The following PTPRM variants were observed in gnomAD, a reference collection of about 807,000 sequenced individuals.
PTPRM encodes the protein receptor-type tyrosine-protein phosphatase mu.
Under a neutral mutation model 186.7 loss-of-function variants are expected in PTPRM, and 47 were observed. The ratio of observed to expected loss-of-function variants is 0.25; its 90% confidence interval spans 0.20 to 0.32. The LOEUF (loss-of-function observed/expected upper bound fraction) is 0.32. PTPRM is among the 10% of genes least tolerant of loss of function. The probability of loss-of-function intolerance (pLI) is 1.00; values close to 1 mark genes in which losing one functional copy is unlikely to be tolerated. For synonymous variants in PTPRM, 668 were observed against 674.9 expected, an observed-to-expected ratio of 0.99 and a Z score of 0.16; for missense variants, 1,494 against 1,865.0, an observed-to-expected ratio of 0.80 and a Z score of 3.66.
chr18:8,405,011 T>C (rs2095895642), intron 32 of PTPRM: 1 of 151,996 alleles, frequency 6.6e-6, no homozygotes, highest in Non-Finnish European at 1.5e-5. Context: ...GAAAAATGAA[T>C]CCAATGCTGG....
intron 2 of PTPRM, among the ~76,000 whole-genome samples, chr18:7,867,337 G>A (rs1049169366): frequency 3.3e-5 from 5 of 152,134 alleles, no homozygotes; most frequent in Admixed American, 6.5e-5. Flanking sequence ...GGCTGGTACT[G>A]GTTGTTCCTT....
chr18:7,781,646 C>T (rs1260958224), intron 2 of PTPRM, among the ~76,000 whole-genome samples: 1 of 152,112 alleles, frequency 6.6e-6, no homozygotes. Context: ...TCATTCGTTC[C>T]CATGTTTGTG....
rs907100989 is a variant in PTPRM, at chr18:7,923,790, T to A, written c.548-2778T>A. Among the ~76,000 whole-genome samples, 9 of 152,326 alleles carry A rather than the reference T, an allele frequency of 5.9e-5. 1 individual carries two copies. The South Asian group carries it at 1.0e-3, about 18-fold the overall frequency. On this transcript the variant is annotated intron_variant, in intron 4 of 32. Transcript: ENST00000580170. ...CTGGGAAAGCTCTGTTTTAGTCAAC[T>A]ACTTGAAGTTCAGATAAGATTTCTT...
intron 1 of PTPRM, among the ~76,000 whole-genome samples, chr18:7,701,784 G>A (rs1199690928): frequency 1.3e-5 from 2 of 152,030 alleles, no homozygotes; most frequent in African/African-American, 2.4e-5. Context: ...AGGTATACAC[G>A]TGCCATGGTG....
At chr18:8,129,883 A>G (rs2092460441) in intron 13 of PTPRM, among the ~76,000 whole-genome samples, 1 of 152,226 alleles carries the variant, frequency 6.6e-6, no homozygotes, top group South Asian at 2.1e-4. Flanking sequence ...TTGTCAAAAA[A>G]TCAAGGGAGA....
intron 14 of PTPRM, among the ~76,000 whole-genome samples, chr18:8,194,824 G>A (rs2093754230): frequency 6.6e-6 from 1 of 152,190 alleles, no homozygotes; most frequent in Non-Finnish European, 1.5e-5. Flanking sequence ...GTCACTTAGA[G>A]TGACGCAGTG....
intron 1 of PTPRM, among the ~76,000 whole-genome samples, chr18:7,577,171 C>T (rs1156869567): frequency 6.6e-6 from 1 of 151,744 alleles, no homozygotes; most frequent in Non-Finnish European, 1.5e-5. Flanking sequence ...GTGCCTGGTG[C>T]CATTAGCAAT....
intron 2 of PTPRM, among the ~76,000 whole-genome samples, chr18:7,862,875 A>G (rs557641018): frequency 1.3e-5 from 2 of 152,300 alleles, no homozygotes; most frequent in Middle Eastern, 3.4e-3. Context: ...GGGGATGTCT[A>G]CAACTCTCTA....
chr18:7,674,129 T>A (rs1322841668), intron 1 of PTPRM, among the ~76,000 whole-genome samples: 2 of 152,104 alleles, frequency 1.3e-5, no homozygotes, highest in Non-Finnish European at 2.9e-5. Context: ...AGAAGGGGGT[T>A]CTTAACCTTG....
chr18:7,711,310 C>T (rs777866973), intron 1 of PTPRM, among the ~76,000 whole-genome samples: 30 of 152,180 alleles, frequency 2.0e-4, no homozygotes, highest in Non-Finnish European at 3.5e-4. Flanking sequence ...CCAGATACTA[C>T]GCTTTTCTCA....
intron 1 of PTPRM, among the ~76,000 whole-genome samples, chr18:7,684,661 C>T (rs893478965): frequency 6.6e-6 from 1 of 152,174 alleles, no homozygotes; most frequent in Non-Finnish European, 1.5e-5. Flanking sequence ...TCCATGTTAT[C>T]GCACATTGCA....
intron 11 of PTPRM, among the ~76,000 whole-genome samples, chr18:8,103,279 C>A (rs575491894): frequency 9.8e-5 from 15 of 152,324 alleles, no homozygotes; most frequent in African/African-American, 3.4e-4. Flanking sequence ...TTCTCCTCTT[C>A]AGCTATGAAA....
At chr18:7,808,981 C>T (rs1254656587) in intron 2 of PTPRM, among the ~76,000 whole-genome samples, 1 of 152,162 alleles carries the variant, frequency 6.6e-6, no homozygotes, top group African/African-American at 2.4e-5. Context: ...ATAACAGCTG[C>T]TGATTATGGA....
At chr18:8,361,418 A>G (rs1330378539) in intron 23 of PTPRM, among the ~76,000 whole-genome samples, 2 of 152,200 alleles carry the variant, frequency 1.3e-5, no homozygotes, top group Non-Finnish European at 2.9e-5. Context: ...CAGTTACTGG[A>G]CATTTCTTAT....
intron 20 of PTPRM, among the ~76,000 whole-genome samples, chr18:8,311,715 A>G (rs1391374905): frequency 1.3e-5 from 2 of 152,202 alleles, no homozygotes; most frequent in Non-Finnish European, 2.9e-5. Flanking sequence ...AGTAAGGGCA[A>G]TTGAATCTGG....
At chr18:7,776,471 G>T (rs895704882) in intron 2 of PTPRM, among the ~76,000 whole-genome samples, 1 of 151,520 alleles carries the variant, frequency 6.6e-6, no homozygotes, top group Non-Finnish European at 1.5e-5. Context: ...AAATATTTTT[G>T]CCATAATATA....
rs373399419 is a variant in PTPRM, at chr18:8,005,605, T to C, written c.1132+50191T>C. Among the ~76,000 whole-genome samples the C allele has an allele frequency of 8.5e-5, 13 of 152,282 alleles. No individual in the cohort carries two copies. The East Asian group carries it at 1.7e-3, about 20-fold the overall frequency. On this transcript the variant is annotated intron_variant, in intron 7 of 32. Transcript: ENST00000580170. ...GAGTGAATAGCAGGGCCCAGATTCA[T>C]ATCCAAGACTCTTGGCCCCACCTCC...
In PTPRM at chr18:7,870,292, CT is replaced by C. The variant is rs369634095; in HGVS notation, c.197-17813del. 7.2e-3 allele frequency among the ~76,000 whole-genome samples: 1,091 copies of C among 152,298 alleles called. 8 individuals carry two copies. Among genetic ancestry groups the C allele is most frequent in the African/African-American group, 0.025 (1,046 of 41,556 alleles). On this transcript the variant is annotated intron_variant, in intron 2 of 32. Coordinates refer to ENST00000580170, the MANE Select transcript of PTPRM (RefSeq NM_001105244.2). Reference sequence around the variant, plus strand: ...GGCTTACTTATGCTCCTAACTACCCCTGGCTGCTGTGCTGCAACTTGGCATG... The same window carrying C: ...GGCTTACTTATGCTCCTAACTACCCCGGCTGCTGTGCTGCAACTTGGCATG...
chr18:7,890,286 G>A lies in PTPRM; in HGVS notation c.468+1909G>A, dbSNP rs144857096. ...TAATTGAGGTGCTTGGCTAGACATAGGGAAGGGAAAGCTAGGGCTTTCCAG... is the reference window on the plus strand; with the variant it reads ...TAATTGAGGTGCTTGGCTAGACATAAGGAAGGGAAAGCTAGGGCTTTCCAG... On this transcript the variant is annotated intron_variant, in intron 3 of 32. Coordinates refer to ENST00000580170, the MANE Select transcript of PTPRM (RefSeq NM_001105244.2). Among the ~76,000 whole-genome samples, 576 of 152,304 alleles carry A rather than the reference G, an allele frequency of 3.8e-3. 3 individuals are homozygous for A. Among genetic ancestry groups the A allele is most frequent in the African/African-American group, 0.013 (558 of 41,576 alleles).
Sources: allele counts gnomAD v4.1 joint callset (sites outside exome capture counted in the v4.1 genomes callset), GRCh38; gene constraint gnomAD v4.1.1; transcripts MANE v1.5; gene names NCBI Gene and HGNC (gene_info 2026-07-23, HGNC 2026-07-21).